Variants in HMCN1 observed in about 807,000 individuals in gnomAD.
The protein encoded by HMCN1 is hemicentin-1.
Under a neutral mutation model 625.9 loss-of-function variants are expected in HMCN1, and 321 were observed. The observed-to-expected ratio is 0.51, with a 90% confidence interval of 0.47 to 0.56. The LOEUF is 0.56. Ranked by LOEUF, HMCN1 falls within the 20% of genes least tolerant of loss-of-function variation. The probability of loss-of-function intolerance (pLI) is 0.00; values close to 1 mark genes in which losing one functional copy is unlikely to be tolerated. For synonymous variants in HMCN1, 2,425 were observed against 2,417.6 expected (o/e 1.00, Z -0.09); for missense variants, 6,588 against 6,887.3 (o/e 0.96, Z 1.54).
At chr1:186,055,973 A>G (rs184315479) in intron 45 of HMCN1, among the ~76,000 whole-genome samples, 1 of 152,010 alleles carries the variant, frequency 6.6e-6, no homozygotes, top group African/African-American at 2.4e-5. Flanking sequence ...TCTGTTTTTT[A>G]TGTTTTCCAA....
chr1:186,155,815 G>A (rs1332183892), intron 97 of HMCN1, among the ~76,000 whole-genome samples: 1 of 152,170 alleles, frequency 6.6e-6, no homozygotes, highest in Non-Finnish European at 1.5e-5. Context: ...CAACCATTAG[G>A]GGGCAAGCTT....
Position 186,160,796 on chromosome 1 carries a change from T to C in HMCN1, c.15257-4315T>C, listed in dbSNP as rs983163893. The stretch of plus-strand genomic sequence containing the variant: ...CTGTGGTCTGAGAGATAGTTTGTTA[T>C]AATCTCTGTTCTTTTACATTTGTTG... On this transcript the variant is annotated intron_variant, in intron 97 of 106. Coordinates refer to ENST00000271588, the MANE Select transcript of HMCN1 (RefSeq NM_031935.3). 4.6e-5 allele frequency among the ~76,000 whole-genome samples: 7 copies of C among 151,794 alleles called. No individual in the cohort carries two copies. The East Asian group carries it at 9.6e-4, about 21-fold the overall frequency.
At chr1:185,999,289 C>T (rs867392304) in intron 25 of HMCN1, among the ~76,000 whole-genome samples, 1 of 151,692 alleles carries the variant, frequency 6.6e-6, no homozygotes, top group Middle Eastern at 3.4e-3. Flanking sequence ...TAGAATAATA[C>T]CTGGCAAAAT....
At chr1:185,794,180 A>C (rs923406195) in intron 1 of HMCN1, among the ~76,000 whole-genome samples, 5 of 152,094 alleles carry the variant, frequency 3.3e-5, no homozygotes, top group Non-Finnish European at 5.9e-5. Flanking sequence ...GGAAAAAAAA[A>C]CTTTTAAAAA....
At chr1:185,781,899 T>G (rs1027647243) in intron 1 of HMCN1, among the ~76,000 whole-genome samples, 1 of 152,202 alleles carries the variant, frequency 6.6e-6, no homozygotes, top group Non-Finnish European at 1.5e-5. Flanking sequence ...TTCCTGGATA[T>G]CCTTGTTAAC....
chr1:186,023,262 C>A, intron 36 of HMCN1, 109 bp downstream of exon 36: 36 of 836,146 alleles, frequency 4.3e-5, no homozygotes, highest in East Asian at 6.0e-5. Context: ...TGTTTATTTT[C>A]TTAGTCTGTA....
intron 11 of HMCN1, among the ~76,000 whole-genome samples, chr1:185,956,172 T>A (rs550893543): frequency 3.3e-5 from 5 of 152,028 alleles, no homozygotes; most frequent in Admixed American, 6.6e-5. Flanking sequence ...ATACCGAACT[T>A]CACTTCTGAC....
intron 11 of HMCN1, among the ~76,000 whole-genome samples, chr1:185,946,972 T>C (rs1401485269): frequency 6.6e-6 from 1 of 152,224 alleles, no homozygotes; most frequent in Non-Finnish European, 1.5e-5. Flanking sequence ...TTATTTATCA[T>C]TAATATCCCT....
At chr1:186,002,864 C>T (rs1393793239) in intron 28 of HMCN1, among the ~76,000 whole-genome samples, 1 of 152,120 alleles carries the variant, frequency 6.6e-6, no homozygotes, top group Non-Finnish European at 1.5e-5. Flanking sequence ...CAGGTTCTCA[C>T]TACTACCTTC....
chr1:185,816,745 G>C (rs780394096), intron 1 of HMCN1, among the ~76,000 whole-genome samples: 1 of 152,208 alleles, frequency 6.6e-6, no homozygotes, highest in Admixed American at 6.5e-5. Context: ...AGCTCCCTCA[G>C]GAGAAGTGCC....
intron 1 of HMCN1, among the ~76,000 whole-genome samples, chr1:185,813,708 G>T (rs1659669024): frequency 6.6e-6 from 1 of 152,064 alleles, no homozygotes; most frequent in Non-Finnish European, 1.5e-5. Context: ...CTTAAATTCT[G>T]CATGTAATAT....
At chr1:186,080,347 G>A (rs1353555957) in intron 55 of HMCN1, among the ~76,000 whole-genome samples, 1 of 152,006 alleles carries the variant, frequency 6.6e-6, no homozygotes, top group Non-Finnish European at 1.5e-5. Context: ...TTAAAGTGGG[G>A]GGGAAATAAG....
chr1:186,010,495 A>G (rs1653931927), intron 30 of HMCN1, among the ~76,000 whole-genome samples: 1 of 152,176 alleles, frequency 6.6e-6, no homozygotes, highest in South Asian at 2.1e-4. Context: ...CCTGATACAA[A>G]TGGTATCCTT....
At chr1:185,753,225 T>A (rs1654929682) in intron 1 of HMCN1, among the ~76,000 whole-genome samples, 1 of 152,126 alleles carries the variant, frequency 6.6e-6, no homozygotes, top group Admixed American at 6.6e-5. Flanking sequence ...AGTCATCATA[T>A]TTGACGGTTA....
At position 186,093,272 on chromosome 1, in the gene HMCN1, A is replaced by G. The variant is rs772309304; in HGVS notation, c.10012+14A>G. ...TGAATGTCTATGGTAAATATGAAAT[A>G]TCCCCCTCTTTTGATGATGCTGCCT... On this transcript the variant is annotated intron_variant, in intron 65 of 106. Coordinates refer to ENST00000271588, the MANE Select transcript of HMCN1 (RefSeq NM_031935.3). 3.7e-6 allele frequency: 6 copies of G among 1,613,242 alleles called. No homozygotes were observed. The highest frequency in any genetic ancestry group is 3.3e-4 in the Middle Eastern group (2 of 6,054).
chr1:186,084,543 A>G (rs1659359063), intron 57 of HMCN1, among the ~76,000 whole-genome samples: 1 of 152,064 alleles, frequency 6.6e-6, no homozygotes, highest in African/African-American at 2.4e-5. Flanking sequence ...ACCATTTGTT[A>G]TCTCCCTCTA....
At chr1:185,915,253 T>G (rs190245080) in intron 6 of HMCN1, among the ~76,000 whole-genome samples, 1 of 152,222 alleles carries the variant, frequency 6.6e-6, no homozygotes, top group Admixed American at 6.5e-5. Context: ...GAAGATTGTT[T>G]TATGCTCCTA....
At chr1:185,992,445 C>T (rs1002489630) in intron 22 of HMCN1, among the ~76,000 whole-genome samples, 1 of 152,092 alleles carries the variant, frequency 6.6e-6, no homozygotes, top group African/African-American at 2.4e-5. Flanking sequence ...TCAGGTAGTG[C>T]TCTAATTTTA....
Position 186,144,309 on chromosome 1 carries a change from A to G in HMCN1, c.14061A>G (p.Thr4687=). 3 of 1,614,000 alleles carry G rather than the reference A, an allele frequency of 1.9e-6. No homozygotes were observed. The highest frequency in any genetic ancestry group is 2.5e-6 in the Non-Finnish European group (3 of 1,180,004). The change falls in exon 90 of 107, where the codon ACA becomes ACG. Residue 4687 remains threonine, a synonymous_variant. Transcript: ENST00000271588. ...GGTCCTACTGTGATGGAGCAGAAAC[A>G]CAGATGCAAGTTTGCAATGAAAGAA... The part of the protein sequence containing the change: ...FGGSYCDGAE[T]QMQVCNERNC...
Sources: gnomAD v4.1 joint callset for allele counts (sites outside exome capture counted in the v4.1 genomes callset) on GRCh38, gnomAD v4.1.1 for gene constraint, MANE v1.5 for transcripts, NCBI Gene and HGNC (gene_info 2026-07-23, HGNC 2026-07-21) for gene names.